The following ABCB1 variants were observed in gnomAD, a reference collection of about 807,000 sequenced individuals.
ABCB1 encodes ATP-dependent translocase ABCB1.
A neutral mutation model predicts 142.0 loss-of-function variants in ABCB1; 69 were observed. That is an observed-to-expected ratio of 0.49 (90% CI 0.40 to 0.59). The LOEUF is 0.59. Among genes scored for constraint, ABCB1 ranks in the 20% least tolerant of loss-of-function variants. The probability of loss-of-function intolerance (pLI) is 0.00; values close to 1 mark genes in which losing one functional copy is unlikely to be tolerated. For missense variants in ABCB1, 1,326 were observed against 1,554.7 expected (o/e 0.85, Z 2.47); for synonymous variants, 532 against 539.2 (o/e 0.99, Z 0.18).
At chr7:87,636,339 C>T (rs930690334) in intron 1 of ABCB1, among the ~76,000 whole-genome samples, 2 of 152,154 alleles carry the variant, frequency 1.3e-5, no homozygotes, top group Non-Finnish European at 2.9e-5. Flanking sequence ...AGTCAAGCAC[C>T]TTTCCGTAAG....
intron 3 of ABCB1, among the ~76,000 whole-genome samples, chr7:87,590,987 TCCCAG>T (rs1356593053): frequency 3.9e-5 from 6 of 152,264 alleles, no homozygotes; most frequent in African/African-American, 1.4e-4. Context: ...CAAATCCTAA[TCCCAG>T]GAACCTGTGA....
intron 25 of ABCB1, among the ~76,000 whole-genome samples, chr7:87,512,062 G>A (rs1003463326): frequency 6.6e-6 from 1 of 152,048 alleles, no homozygotes; most frequent in African/African-American, 2.4e-5. Context: ...TTCCCTGTAA[G>A]TATTGATGAT....
intron 1 of ABCB1, among the ~76,000 whole-genome samples, chr7:87,676,549 C>T (rs1826375884): frequency 6.6e-6 from 1 of 151,402 alleles, no homozygotes; most frequent in Non-Finnish European, 1.5e-5. Context: ...ACTGAAAACA[C>T]AATAATTAGC....
At position 87,705,245 on chromosome 7, in the gene ABCB1, C is replaced by A. The variant is rs181010336; in HGVS notation, c.-331+7916G>T. 4.6e-5 allele frequency among the ~76,000 whole-genome samples: 7 copies of A among 152,176 alleles called. No homozygotes were observed. The East Asian group carries it at 9.7e-4, about 21-fold the overall frequency. On this transcript the variant is annotated intron_variant, in intron 1 of 28. Coordinates refer to the ABCB1 transcript ENST00000265724. The stretch of plus-strand genomic sequence containing the variant: ...TTCCAGACTAGCCTGGCTAACATGG[C>A]AAAACCCTGTCTCTACTTAAAATAT...
chr7:87,592,433 A>C (rs1393706941), intron 3 of ABCB1, among the ~76,000 whole-genome samples: 1 of 152,204 alleles, frequency 6.6e-6, no homozygotes, highest in Admixed American at 6.5e-5. Flanking sequence ...TAACCATAAA[A>C]GTCACCCAAG....
chr7:87,515,292 C>A lies in ABCB1; in HGVS notation c.3221G>T (p.Cys1074Phe). Residue 1074 changes from cysteine to phenylalanine, a missense_variant, in exon 25 of 28, where the codon TGT becomes TTT. Coordinates refer to ENST00000622132, the MANE Select transcript of ABCB1 (RefSeq NM_001348946.2). Reference protein sequence around the residue: ...QTLALVGSSGCGKSTVVQLLE... With the variant: ...QTLALVGSSGFGKSTVVQLLE... ...GAGCTGGACCACTGTGCTCTTCCCA[C>A]AGCCACTGCTGCCCACCAGAGCCAG... 1 of 1,614,220 alleles carries A rather than the reference C, an allele frequency of 6.2e-7. No homozygotes were observed.
chr7:87,658,632 G>T (rs545917617), intron 1 of ABCB1, among the ~76,000 whole-genome samples: 10 of 152,144 alleles, frequency 6.6e-5, no homozygotes, highest in African/African-American at 2.4e-4. Context: ...GTTGCAAATA[G>T]AGAAAAATGA....
At chr7:87,565,506 T>A (rs1189641767) in intron 7 of ABCB1, 2 of 451,052 alleles carry the variant, frequency 4.4e-6, no homozygotes, top group African/African-American at 2.0e-5. Context: ...TTTATATGCA[T>A]CCTTAGGGAC....
chr7:87,626,098 A>T (rs1201309502), intron 1 of ABCB1, among the ~76,000 whole-genome samples: 1 of 105,044 alleles, frequency 9.5e-6, no homozygotes, highest in East Asian at 3.0e-4. Flanking sequence ...ATATATATAT[A>T]TTGTCATATA....
intron 1 of ABCB1, among the ~76,000 whole-genome samples, chr7:87,646,096 G>A (rs368015099): frequency 2.0e-5 from 3 of 152,226 alleles, no homozygotes. Context: ...TTTTTAGTTA[G>A]CTGTTGAGTT....
At chr7:87,672,923 T>A (rs566081690) in intron 1 of ABCB1, among the ~76,000 whole-genome samples, 1 of 152,128 alleles carries the variant, frequency 6.6e-6, no homozygotes, top group East Asian at 1.9e-4. Flanking sequence ...GATGTTTCAA[T>A]TGAAGGTGCT....
upstream of ABCB1, among the ~76,000 whole-genome samples, chr7:87,603,725 C>T (rs1002940521): frequency 6.6e-6 from 1 of 152,280 alleles, no homozygotes; most frequent in South Asian, 2.1e-4. Flanking sequence ...TTCTTTAGTA[C>T]CTGGCTGCAT....
At chr7:87,528,922 C>T (rs1815914312) in intron 21 of ABCB1, among the ~76,000 whole-genome samples, 1 of 152,106 alleles carries the variant, frequency 6.6e-6, no homozygotes. Flanking sequence ...CCCACTGGGC[C>T]AGGGCACACA....
At chr7:87,533,531 T>C (rs1429597571) in intron 20 of ABCB1, among the ~76,000 whole-genome samples, 1 of 152,168 alleles carries the variant, frequency 6.6e-6, no homozygotes, top group Non-Finnish European at 1.5e-5. Flanking sequence ...ATTTAACCCC[T>C]CGGCTTCATT....
intron 1 of ABCB1, chr7:87,628,967 G>C: frequency 7.6e-7 from 1 of 1,307,798 alleles, no homozygotes; most frequent in Admixed American, 3.1e-5. Context: ...CAGGGCGAGG[G>C]GAACCAGCCT....
At chr7:87,626,966 G>T (rs1381479966) in intron 1 of ABCB1, among the ~76,000 whole-genome samples, 3 of 151,968 alleles carry the variant, frequency 2.0e-5, no homozygotes, top group African/African-American at 7.3e-5. Flanking sequence ...AGTAGAGATG[G>T]GGTTTCACTA....
intron 1 of ABCB1, chr7:87,710,690 T>A: frequency 1.7e-6 from 2 of 1,164,486 alleles, no homozygotes; most frequent in Non-Finnish European, 2.5e-6. Flanking sequence ...AATATATATT[T>A]GAAAGAATCA....
At chr7:87,595,616 T>C in intron 3 of ABCB1, 150 bp downstream of exon 3, 1 of 646,750 alleles carries the variant, frequency 1.5e-6, no homozygotes, top group Non-Finnish European at 2.8e-6. Flanking sequence ...AGCATTCTCC[T>C]GAAAATAAGC....
rs144340377 is a variant in ABCB1 at position 87,625,413 on chromosome 7, G to C, written c.-330-24335C>G. Among the ~76,000 whole-genome samples the C allele has an allele frequency of 2.7e-3, 413 of 152,202 alleles. 3 individuals carry two copies. Among genetic ancestry groups the C allele is most frequent in the African/African-American group, 9.4e-3 (392 of 41,518 alleles). On this transcript the variant is annotated intron_variant, in intron 1 of 28. Coordinates refer to the ABCB1 transcript ENST00000265724. ...AGGATATTAACATCTCACTTTTCTC[G>C]TTCTGTCATGACCACTCACTTTTAT...
Sources: allele counts gnomAD v4.1 joint callset (sites outside exome capture counted in the v4.1 genomes callset), GRCh38; gene constraint gnomAD v4.1.1; transcripts MANE v1.5; gene names NCBI Gene and HGNC (gene_info 2026-07-23, HGNC 2026-07-21).